USO1: variants seen among roughly 807,000 people sequenced by gnomAD.
The protein encoded by USO1 is general vesicular transport factor p115.
In USO1, 57 loss-of-function variants were observed where a neutral mutation model predicts 124.5. The ratio of observed to expected loss-of-function variants is 0.46; its 90% CI spans 0.37 to 0.57. The LOEUF is 0.57. Ranked by LOEUF, USO1 falls within the 20% of genes least tolerant of loss-of-function variation. USO1 has a pLI of 0.00. For missense variants in USO1, 900 were observed against 1,040.6 expected (o/e 0.86, Z 1.86); for synonymous variants, 369 against 362.8 (o/e 1.02, Z -0.19).
In USO1 at chr4:75,759,246, C is replaced by CTTTTTTT. The variant is rs71208100; in HGVS notation, c.295+1685_295+1691dup. On this transcript the variant is annotated intron_variant, in intron 4 of 23. Transcript: ENST00000514213. ...TAATAGAATCACTTTTATTAAGGACCTTTTTTTTTTTTTTTTTTCTGAAAA... is the reference window on the plus strand; with the variant it reads ...TAATAGAATCACTTTTATTAAGGACCTTTTTTTTTTTTTTTTTTTTTTTTTCTGAAAA... Among the ~76,000 whole-genome samples, 41 of 69,120 alleles carry CTTTTTTT rather than the reference C, an allele frequency of 5.9e-4. 9 individuals are homozygous for CTTTTTTT. The highest frequency in any genetic ancestry group is 2.1e-3 in the African/African-American group (33 of 15,526). 45.3% of individuals were successfully genotyped at this position (69,120 alleles called of 152,430 possible). A position where few individuals can be genotyped will look rare whatever the true frequency, so the allele number is the denominator to read the frequency against.
At chr4:75,726,301 AG>A (rs1393128759) in intron 1 of USO1, among the ~76,000 whole-genome samples, 171 of 148,452 alleles carry the variant, frequency 1.2e-3, no homozygotes, top group African/African-American at 4.0e-3. Context: ...AAAAAAAAAA[AG>A]GGGTGAAGTA....
intron 23 of USO1, 90 bp from the exon 24 acceptor site, chr4:75,813,113 GAAA>G (rs994169693): frequency 3.9e-6 from 4 of 1,015,078 alleles, no homozygotes; most frequent in Non-Finnish European, 5.2e-6. Context: ...CTCCATCTCA[GAAA>G]AAAAAAAAAT....
chr4:75,739,750 T>G (rs1033660867), intron 1 of USO1, among the ~76,000 whole-genome samples: 1 of 152,046 alleles, frequency 6.6e-6, no homozygotes, highest in Non-Finnish European at 1.5e-5. Flanking sequence ...TTTCACCATG[T>G]TGGCCAGGCT....
chr4:75,768,178 G>A (rs540436019), intron 4 of USO1, among the ~76,000 whole-genome samples: 1 of 152,162 alleles, frequency 6.6e-6, no homozygotes, highest in African/African-American at 2.4e-5. Flanking sequence ...CACCAAGCCA[G>A]CCTAAATTTT....
At chr4:75,764,143 T>C (rs920713289) in intron 4 of USO1, among the ~76,000 whole-genome samples, 2 of 152,220 alleles carry the variant, frequency 1.3e-5, no homozygotes, top group Non-Finnish European at 2.9e-5. Context: ...TCTATACTGA[T>C]AAGCTACAGC....
chr4:75,745,465 C>G (rs1721097736), intron 1 of USO1: 2 of 438,816 alleles, frequency 4.6e-6, no homozygotes, highest in Admixed American at 2.6e-5. Context: ...ACTCATATTT[C>G]TCTACATAGG....
intron 9 of USO1, among the ~76,000 whole-genome samples, chr4:75,783,872 T>C (rs1722289751): frequency 6.6e-6 from 1 of 152,206 alleles, no homozygotes; most frequent in African/African-American, 2.4e-5. Context: ...CCAGGAGAAC[T>C]TAGTTACAGA....
Position 75,810,540 on chromosome 4 carries a change from G to A in USO1, c.2583+1G>A. ...ATTACAAGAGACCAAAGAGTTAAAG[G>A]TTTGTTTTTGGTGCAACTTTTATTT... On this transcript the variant is annotated splice_donor_variant, in intron 22 of 23. Coordinates refer to ENST00000514213, the MANE Select transcript of USO1 (RefSeq NM_003715.4). LOFTEE classifies it high-confidence loss of function. 1 of 1,600,784 alleles carries A rather than the reference G, an allele frequency of 6.2e-7. No individual in the cohort carries two copies. Among genetic ancestry groups the A allele is most frequent in the Non-Finnish European group, 8.5e-7 (1 of 1,175,688 alleles).
At chr4:75,805,726 A>AG (rs1722980249) in intron 19 of USO1, among the ~76,000 whole-genome samples, 1 of 151,696 alleles carries the variant, frequency 6.6e-6, no homozygotes, top group African/African-American at 2.4e-5. Flanking sequence ...AAAAAAAAAA[A>AG]GATTTTACAG....
At chr4:75,810,307 AG>A in intron 21 of USO1, 124 bp from the exon 22 acceptor site, 1 of 1,086,756 alleles carries the variant, frequency 9.2e-7, no homozygotes, top group Non-Finnish European at 1.3e-6. Context: ...TAAATACATA[AG>A]GAATTATATT....
chr4:75,754,822 G>T (rs1240082300), intron 3 of USO1, among the ~76,000 whole-genome samples: 1 of 152,114 alleles, frequency 6.6e-6, no homozygotes, highest in Non-Finnish European at 1.5e-5. Context: ...CTCTGTGTTT[G>T]TTATCTTTGG....
chr4:75,727,172 G>C (rs1468609385), intron 1 of USO1, among the ~76,000 whole-genome samples: 3 of 152,174 alleles, frequency 2.0e-5, no homozygotes, highest in Admixed American at 6.5e-5. Context: ...TTTAAAGCTA[G>C]AAAGTCCCAG....
chr4:75,790,363 T>C, intron 11 of USO1, 125 bp downstream of exon 11: 1 of 1,294,996 alleles, frequency 7.7e-7, no homozygotes. Flanking sequence ...CTAGAAATTA[T>C]CTGACAAGAT....
intron 1 of USO1, among the ~76,000 whole-genome samples, chr4:75,734,597 C>T (rs1426470043): frequency 1.3e-5 from 2 of 151,388 alleles, no homozygotes; most frequent in Non-Finnish European, 2.9e-5. Flanking sequence ...ATTGCTTTGG[C>T]TGTTCAGGCT....
intron 8 of USO1, among the ~76,000 whole-genome samples, chr4:75,776,251 T>A (rs1722070726): frequency 6.6e-6 from 1 of 152,136 alleles, no homozygotes; most frequent in South Asian, 2.1e-4. Context: ...GACTCTAAGG[T>A]ACATGGGATT....
chr4:75,737,873 G>A (rs1459999299), intron 1 of USO1, among the ~76,000 whole-genome samples: 1 of 151,828 alleles, frequency 6.6e-6, no homozygotes, highest in Non-Finnish European at 1.5e-5. Context: ...TGTCACCGAG[G>A]CTGGAGTGTA....
chr4:75,778,806 G>T (rs1380922714), intron 8 of USO1, among the ~76,000 whole-genome samples: 1 of 152,100 alleles, frequency 6.6e-6, no homozygotes, highest in Non-Finnish European at 1.5e-5. Flanking sequence ...ATTCATTTAT[G>T]AATTGTATTG....
rs137916787 is a variant in USO1 at position 75,749,115 on chromosome 4, T to G, written c.67-3258T>G. Among the ~76,000 whole-genome samples the G allele has an allele frequency of 5.0e-4, 76 of 152,286 alleles. No homozygotes were observed. In the East Asian group the frequency reaches 0.013, roughly 26 times the overall value. ...AAAGCTAGGCTTGGTTATCCTGCTA[T>G]ATCTGCTATATGAAGAAATGCAAAT... On this transcript the variant is annotated intron_variant, in intron 1 of 23. Transcript: ENST00000514213.
intron 17 of USO1, among the ~76,000 whole-genome samples, chr4:75,803,610 C>T (rs1722914927): frequency 6.7e-6 from 1 of 149,482 alleles, no homozygotes; most frequent in Non-Finnish European, 1.5e-5. Flanking sequence ...GATTGCACCA[C>T]TGCACTCCAG....
Sources: gnomAD v4.1 joint callset for allele counts (sites outside exome capture counted in the v4.1 genomes callset) on GRCh38, gnomAD v4.1.1 for gene constraint, MANE v1.5 for transcripts, NCBI Gene and HGNC (gene_info 2026-07-23, HGNC 2026-07-21) for gene names.